The following RBM20 variants were observed in gnomAD, a reference collection of about 807,000 sequenced individuals.
RBM20 encodes the protein RNA-binding protein 20.
A neutral mutation model predicts 110.1 loss-of-function variants in RBM20; 51 were observed. The observed-to-expected ratio is 0.46, with a 90% CI of 0.37 to 0.59. The LOEUF (loss-of-function observed/expected upper bound fraction) is 0.59, where lower values mean the gene tolerates loss of function less well. Ranked by LOEUF, RBM20 falls within the 20% of genes least tolerant of loss-of-function variation. RBM20 has a pLI of 0.00. For missense variants in RBM20, 1,512 were observed against 1,574.9 expected, an observed-to-expected ratio of 0.96 and a Z score of 0.68; for synonymous variants, 589 against 618.2, an observed-to-expected ratio of 0.95 and a Z score of 0.70.
chr10:110,673,154 T>C (rs915166263), intron 1 of RBM20, among the ~76,000 whole-genome samples: 1 of 152,200 alleles, frequency 6.6e-6, no homozygotes, highest in African/African-American at 2.4e-5. Flanking sequence ...AGTGAGAATG[T>C]TTTTAAGGTT....
At chr10:110,654,327 C>G (rs1564806613) in intron 1 of RBM20, among the ~76,000 whole-genome samples, 1 of 152,184 alleles carries the variant, frequency 6.6e-6, no homozygotes, top group Non-Finnish European at 1.5e-5. Flanking sequence ...CTGGATTTTT[C>G]TAGTCCTGAC....
chr10:110,783,068 TGG>T (rs1400958805), intron 2 of RBM20, among the ~76,000 whole-genome samples: 2 of 101,742 alleles, frequency 2.0e-5, no homozygotes, highest in Admixed American at 2.1e-4. Flanking sequence ...AGGTAGGTGG[TGG>T]GGGCAAGGGT....
chr10:110,644,460 G>A lies in RBM20; in HGVS notation c.6G>A (p.Val2=), dbSNP rs1251837355. The change falls in exon 1 of 14, where the codon GTG becomes GTA. Residue 2 remains valine, a synonymous_variant. Coordinates refer to ENST00000369519, the MANE Select transcript of RBM20 (RefSeq NM_001134363.3). The surrounding 1 kb of genome is among the most constrained non-coding windows in gnomAD (Gnocchi z 4.3). ...CCGGGCGGGTCTCGCCCCGCATGGT[G>A]CTGGCAGCAGCCATGAGCCAGGACG... M[V]LAAAMSQDAD... 1.3e-6 allele frequency: 2 copies of A among 1,510,698 alleles called. No homozygotes were observed. Among genetic ancestry groups the A allele is most frequent in the Admixed American group, 4.2e-5 (2 of 47,512 alleles). The allele number at this position is 1,510,698 out of a possible 1,614,324, so 93.6% of individuals were successfully genotyped here. A position where few individuals can be genotyped will look rare whatever the true frequency, so the allele number is the denominator to read the frequency against.
chr10:110,745,012 G>A (rs912042581), intron 1 of RBM20, among the ~76,000 whole-genome samples: 2 of 152,144 alleles, frequency 1.3e-5, no homozygotes, highest in East Asian at 1.9e-4. Flanking sequence ...CTCCCTGGGG[G>A]TGCTGGCATC....
chr10:110,750,624 A>C (rs1274176057), intron 1 of RBM20, among the ~76,000 whole-genome samples: 1 of 152,148 alleles, frequency 6.6e-6, no homozygotes, highest in Non-Finnish European at 1.5e-5. Context: ...GATTTCTTTT[A>C]AGCTCTAGAC....
In RBM20 at chr10:110,726,929, C is replaced by G. The variant is rs150107978; in HGVS notation, c.192-53872C>G. Among the ~76,000 whole-genome samples, 65 of 152,282 alleles carry G rather than the reference C, an allele frequency of 4.3e-4. No individual in the cohort carries two copies. In the East Asian group the frequency reaches 0.011, roughly 27 times the overall value. On this transcript the variant is annotated intron_variant, in intron 1 of 13. Transcript: ENST00000369519. ...TGGTGCAACCTTGGCTCACTGCAAC[C>G]TCCGGCTCATGGGTTCAAGCAATTC...
intron 1 of RBM20, among the ~76,000 whole-genome samples, chr10:110,697,515 G>A (rs1381841618): frequency 6.6e-6 from 1 of 152,278 alleles, no homozygotes. Flanking sequence ...GGATACAGAG[G>A]TGTGCCCAGG....
chr10:110,816,444 A>G (rs1844841706), intron 9 of RBM20, among the ~76,000 whole-genome samples: 1 of 141,306 alleles, frequency 7.1e-6, no homozygotes, highest in African/African-American at 2.7e-5. Context: ...CAACACCCCA[A>G]CCTGCTCCCC....
At chr10:110,791,738 G>A (rs1844486350) in intron 5 of RBM20, among the ~76,000 whole-genome samples, 1 of 152,316 alleles carries the variant, frequency 6.6e-6, no homozygotes, top group Non-Finnish European at 1.5e-5. Context: ...ATCCCATGTG[G>A]GGGCACTCAA....
At chr10:110,767,380 T>C (rs1202861220) in intron 1 of RBM20, among the ~76,000 whole-genome samples, 3 of 123,916 alleles carry the variant, frequency 2.4e-5, no homozygotes, top group Non-Finnish European at 3.4e-5. Context: ...GCGGCTGGCC[T>C]GGCGGGGGCT....
chr10:110,807,416 A>G (rs1269266479), intron 7 of RBM20, among the ~76,000 whole-genome samples: 3 of 152,198 alleles, frequency 2.0e-5, no homozygotes, highest in Admixed American at 6.5e-5. Flanking sequence ...GGGAAACTGC[A>G]TGGGCCACTA....
intron 3 of RBM20, 137 bp from the exon 4 acceptor site, chr10:110,784,204 G>A (rs2085943870): frequency 3.2e-6 from 2 of 634,896 alleles, no homozygotes; most frequent in African/African-American, 3.6e-5. Context: ...TGCTAGGAAG[G>A]TTTGGGGACA....
chr10:110,718,240 C>T (rs2134926372), intron 1 of RBM20, among the ~76,000 whole-genome samples: 1 of 152,310 alleles, frequency 6.6e-6, no homozygotes, highest in Non-Finnish European at 1.5e-5. Flanking sequence ...AATACAAATA[C>T]CTTTATCATC....
At chr10:110,684,147 C>T (rs1213575810) in intron 1 of RBM20, among the ~76,000 whole-genome samples, 2 of 152,168 alleles carry the variant, frequency 1.3e-5, no homozygotes, top group Non-Finnish European at 2.9e-5. Context: ...GTAATCCCAG[C>T]ACTTTGGGAG....
At chr10:110,678,204 T>TCCCATAG (rs1234482358) in intron 1 of RBM20, among the ~76,000 whole-genome samples, 1 of 152,200 alleles carries the variant, frequency 6.6e-6, no homozygotes, top group Non-Finnish European at 1.5e-5. Context: ...TACTCAAAAG[T>TCCCATAG]TTATCCACAC....
At position 110,727,665 on chromosome 10, in the gene RBM20, G is replaced by A. The variant is rs139360302; in HGVS notation, c.192-53136G>A. Among the ~76,000 whole-genome samples the A allele has an allele frequency of 7.2e-3, 1,100 of 152,034 alleles. 38 individuals carry two copies. The highest frequency in any genetic ancestry group is 0.056 in the Admixed American group (850 of 15,268). On this transcript the variant is annotated intron_variant, in intron 1 of 13. Coordinates refer to ENST00000369519, the MANE Select transcript of RBM20 (RefSeq NM_001134363.3). ...TTTTTTAATTTTACTTTAGGTTCTG[G>A]GATACATGTGCTGAACGTGCAGGTT...
chr10:110,698,056 C>T (rs963642196), intron 1 of RBM20, among the ~76,000 whole-genome samples: 7 of 152,044 alleles, frequency 4.6e-5, no homozygotes, highest in East Asian at 1.9e-4. Context: ...TACAGGCGCC[C>T]ACCAACACGC....
At chr10:110,645,475 T>C (rs534558178) in intron 1 of RBM20, among the ~76,000 whole-genome samples, 5 of 152,316 alleles carry the variant, frequency 3.3e-5, no homozygotes, top group African/African-American at 1.2e-4. Context: ...AAAACTAGTT[T>C]AATAAGTGTA....
intron 1 of RBM20, among the ~76,000 whole-genome samples, chr10:110,687,681 T>C (rs988424444): frequency 6.6e-6 from 1 of 152,254 alleles, no homozygotes; most frequent in African/African-American, 2.4e-5. Flanking sequence ...ACTGCGTTGC[T>C]GTGTGACCTT....
Sources: gnomAD v4.1 joint callset for allele counts (sites outside exome capture counted in the v4.1 genomes callset) on GRCh38, gnomAD v4.1.1 for gene constraint, Gnocchi (gnomAD v3.1) non-coding constraint, MANE v1.5 for transcripts, NCBI Gene and HGNC (gene_info 2026-07-23, HGNC 2026-07-21) for gene names.